Variants in CRTC3 observed in about 807,000 individuals in gnomAD.
CRTC3 encodes the protein CREB regulated transcription coactivator 3.
Under a neutral mutation model 74.5 loss-of-function variants are expected in CRTC3, and 26 were observed. That is an observed-to-expected ratio of 0.35 (90% CI 0.26 to 0.48). CRTC3 has a LOEUF of 0.48. Ranked by LOEUF, CRTC3 falls within the 20% of genes least tolerant of loss-of-function variation. The pLI is 0.99. For missense variants in CRTC3, 760 were observed against 787.3 expected (o/e 0.97, Z 0.41); for synonymous variants, 377 against 325.8 (o/e 1.16, Z -1.69).
chr15:90,589,099 C>T (rs1967737187), intron 2 of CRTC3, among the ~76,000 whole-genome samples: 6 of 152,136 alleles, frequency 3.9e-5, no homozygotes, highest in Admixed American at 3.9e-4. Flanking sequence ...CTCTGTCACC[C>T]AGGCTGGAGT....
chr15:90,621,353 C>CGTATT (rs1468500309), intron 9 of CRTC3, among the ~76,000 whole-genome samples: 1 of 151,912 alleles, frequency 6.6e-6, no homozygotes, highest in Non-Finnish European at 1.5e-5. Context: ...GATGGAGTAT[C>CGTATT]GCTCTGTCGC....
At chr15:90,566,852 A>G (rs1305420162) in intron 2 of CRTC3, among the ~76,000 whole-genome samples, 1 of 151,524 alleles carries the variant, frequency 6.6e-6, no homozygotes, top group East Asian at 2.0e-4. Context: ...CTGGGATTAT[A>G]GGTGCCCGCC....
At chr15:90,546,323 T>C (rs930093397) in intron 2 of CRTC3, among the ~76,000 whole-genome samples, 1 of 152,216 alleles carries the variant, frequency 6.6e-6, no homozygotes, top group Non-Finnish European at 1.5e-5. Flanking sequence ...AATGCCTTGG[T>C]ACCTTTGTTG....
rs1353575688 is a variant in CRTC3 at position 90,642,229 on chromosome 15, G to A, written c.*89G>A. 4.5e-6 allele frequency: 5 copies of A among 1,114,972 alleles called. No homozygotes were observed. Among genetic ancestry groups the A allele is most frequent in the East Asian group, 4.8e-5 (2 of 41,668 alleles). 69.1% of individuals were successfully genotyped at this position (1,114,972 alleles called of 1,614,324 possible). A position where few individuals can be genotyped will look rare whatever the true frequency, so the allele number is the denominator to read the frequency against. On this transcript the variant is annotated 3_prime_UTR_variant, in exon 15 of 15. Transcript: ENST00000268184. ...AAGCCAGCTGATACCACGGGCTTTC[G>A]TTATCTTGACATAGAAGGAAGCAAT...
At chr15:90,629,155 A>G in intron 10 of CRTC3, 79 bp from the exon 11 acceptor site, 1 of 1,352,374 alleles carries the variant, frequency 7.4e-7, no homozygotes, top group Non-Finnish European at 1.0e-6. Flanking sequence ...ATGTGACAGT[A>G]GACAGTTTTC....
chr15:90,591,905 AT>A (rs1191719815), intron 2 of CRTC3, among the ~76,000 whole-genome samples: 1 of 152,246 alleles, frequency 6.6e-6, no homozygotes, highest in Admixed American at 6.5e-5. Context: ...AGAATAGAGT[AT>A]TCCATTGTCT....
intron 2 of CRTC3, among the ~76,000 whole-genome samples, chr15:90,559,487 T>C (rs1966966681): frequency 6.6e-6 from 1 of 152,220 alleles, no homozygotes; most frequent in Non-Finnish European, 1.5e-5. Flanking sequence ...CTCTAAACTT[T>C]AATATCCTTA....
rs777405070 is a variant in CRTC3, at chr15:90,644,474, G to T, written c.*2334G>T. The stretch of plus-strand genomic sequence containing the variant: ...GTCTGCACAGCAGCCACCCTGCCTG[G>T]CAACAGAGACCCCAAGACCTACACA... On this transcript the variant is annotated 3_prime_UTR_variant, in exon 15 of 15. Coordinates refer to ENST00000268184, the MANE Select transcript of CRTC3 (RefSeq NM_022769.5). The T allele has an allele frequency of 8.8e-6, 2 of 226,998 alleles. No homozygotes were observed. Among genetic ancestry groups the T allele is most frequent in the Non-Finnish European group, 1.7e-5 (2 of 115,182 alleles). 14.1% of individuals were successfully genotyped at this position (226,998 alleles called of 1,614,324 possible). A position where few individuals can be genotyped will look rare whatever the true frequency, so the allele number is the denominator to read the frequency against.
intron 1 of CRTC3, among the ~76,000 whole-genome samples, chr15:90,532,399 C>T (rs996764671): frequency 1.3e-5 from 2 of 152,210 alleles, no homozygotes; most frequent in African/African-American, 4.8e-5. Flanking sequence ...CTGCCTAGTT[C>T]ATAATTGGTA....
At chr15:90,548,293 A>G (rs937208453) in intron 2 of CRTC3, among the ~76,000 whole-genome samples, 1 of 152,216 alleles carries the variant, frequency 6.6e-6, no homozygotes, top group Admixed American at 6.5e-5. Flanking sequence ...AAATTGCATC[A>G]TGTCATGTGT....
rs954411705 is a variant in CRTC3 at position 90,628,219 on chromosome 15, AAAAAAT to A, written c.968-1012_968-1007del. 5.3e-5 allele frequency among the ~76,000 whole-genome samples: 8 copies of A among 151,016 alleles called. 1 individual carries two copies. The East Asian group carries it at 6.0e-4, about 11-fold the overall frequency. On this transcript the variant is annotated intron_variant, in intron 10 of 14. Transcript: ENST00000268184. ...GTGACAGAGCGAGACTCTGTCTCAA[AAAAAAT>A]AATAATAATAATAGTGATAATAATA...
intron 7 of CRTC3, among the ~76,000 whole-genome samples, chr15:90,615,868 T>C (rs1362483780): frequency 6.6e-6 from 1 of 150,764 alleles, no homozygotes; most frequent in Non-Finnish European, 1.5e-5. Flanking sequence ...TTATTTTTAT[T>C]TTTTTTTTGG....
At chr15:90,571,396 T>G (rs1967261746) in intron 2 of CRTC3, among the ~76,000 whole-genome samples, 1 of 152,186 alleles carries the variant, frequency 6.6e-6, no homozygotes, top group Non-Finnish European at 1.5e-5. Flanking sequence ...AGGAGTGTTC[T>G]AAGCAAAAGA....
intron 6 of CRTC3, among the ~76,000 whole-genome samples, 184 bp downstream of exon 6, chr15:90,607,662 C>T (rs891183123): frequency 6.6e-6 from 1 of 152,196 alleles, no homozygotes; most frequent in Non-Finnish European, 1.5e-5. Context: ...CCAGCGTCCC[C>T]TGCCTCTGCC....
At chr15:90,625,262 G>A (rs959634860) in intron 9 of CRTC3, among the ~76,000 whole-genome samples, 5 of 152,216 alleles carry the variant, frequency 3.3e-5, no homozygotes, top group African/African-American at 1.2e-4. Context: ...GCCAACATGC[G>A]GCCCGCTGCC....
chr15:90,635,505 C>T (rs577642382), intron 11 of CRTC3, among the ~76,000 whole-genome samples: 3 of 152,198 alleles, frequency 2.0e-5, no homozygotes, highest in East Asian at 3.9e-4. Context: ...ATTAGCCAGG[C>T]GTGTTAGCAT....
chr15:90,545,734 G>A lies in CRTC3; in HGVS notation c.231+5597G>A, dbSNP rs370501896. Among the ~76,000 whole-genome samples the A allele has an allele frequency of 5.2e-3, 587 of 112,316 alleles. 7 individuals are homozygous for A. Among genetic ancestry groups the A allele is most frequent in the African/African-American group, 0.015 (520 of 35,658 alleles). 73.7% of individuals were successfully genotyped at this position (112,316 alleles called of 152,430 possible). ...TGGGACTACAGGCACCTGCCACCAC[G>A]CCCGGGTAATTTTTTTTGTATTTTT... is the stretch of plus-strand genomic sequence containing the variant. On this transcript the variant is annotated intron_variant, in intron 2 of 14. Transcript: ENST00000268184.
At chr15:90,565,652 G>C (rs977041886) in intron 2 of CRTC3, among the ~76,000 whole-genome samples, 1 of 152,176 alleles carries the variant, frequency 6.6e-6, no homozygotes, top group Admixed American at 6.5e-5. Context: ...TTGCATTTCA[G>C]TAAATCTTGC....
At chr15:90,584,162 T>C (rs1462732220) in intron 2 of CRTC3, among the ~76,000 whole-genome samples, 1 of 151,870 alleles carries the variant, frequency 6.6e-6, no homozygotes, top group African/African-American at 2.4e-5. Context: ...AGTCTGCATA[T>C]AAATAAAGAG....
Sources: gnomAD v4.1 joint callset for allele counts (sites outside exome capture counted in the v4.1 genomes callset) on GRCh38, gnomAD v4.1.1 for gene constraint, MANE v1.5 for transcripts, NCBI Gene and HGNC (gene_info 2026-07-23, HGNC 2026-07-21) for gene names.